The following INSL6 variants were observed in gnomAD, a reference collection of about 807,000 sequenced individuals.
The protein encoded by INSL6 is insulin like 6, also known as insulin-like peptide INSL6.
INSL6 carries 16 observed loss-of-function variants against 9.4 expected under a neutral mutation model. That is an observed-to-expected ratio of 1.70 (90% CI 1.15 to 2.59). The LOEUF is 2.59. Among genes scored for constraint, INSL6 ranks in the 30% most tolerant of loss-of-function variants. The pLI is 0.00. For synonymous variants in INSL6, 154 were observed against 96.9 expected (o/e 1.59, Z -3.46); for missense variants, 391 against 257.3 (o/e 1.52, Z -3.56).
the INSL6 span, among the ~76,000 whole-genome samples, chr9:5,062,056 G>A: frequency 0.25 from 37,723 of 151,994 alleles, 4,898 homozygotes; most frequent in South Asian, 0.3. Context: ...TAGGCCCAGT[G>A]TGTGGTGCCC....
chr9:4,999,453 G>T, the INSL6 span, among the ~76,000 whole-genome samples: 1 of 152,114 alleles, frequency 6.6e-6, no homozygotes, highest in Non-Finnish European at 1.5e-5. Flanking sequence ...AGTCAAAGGG[G>T]CAAAAAAGAT....
chr9:5,106,834 G>C, the INSL6 span, among the ~76,000 whole-genome samples: 5 of 152,156 alleles, frequency 3.3e-5, no homozygotes, highest in African/African-American at 1.2e-4. Context: ...TCACTCATAG[G>C]TGGGAGTTGA....
chr9:5,079,050 G>T, the INSL6 span, among the ~76,000 whole-genome samples: 41 of 152,190 alleles, frequency 2.7e-4, no homozygotes, highest in African/African-American at 9.4e-4. Context: ...ATTCTAAATT[G>T]ATCAATTTTT....
At chr9:5,064,906 G>T in the INSL6 span, 2 of 1,586,418 alleles carry the variant, frequency 1.3e-6, no homozygotes, top group Non-Finnish European at 1.7e-6. Context: ...GCTCATTAAG[G>T]GAAGCTTTGT....
At chr9:5,049,941 T>A in the INSL6 span, among the ~76,000 whole-genome samples, 2 of 152,166 alleles carry the variant, frequency 1.3e-5, no homozygotes, top group African/African-American at 4.8e-5. Flanking sequence ...AAAGATACAG[T>A]AAAAATGCAG....
chr9:5,158,199 C>G (rs1824857584), intron 2 of INSL6, among the ~76,000 whole-genome samples: 1 of 152,084 alleles, frequency 6.6e-6, no homozygotes, highest in Non-Finnish European at 1.5e-5. Flanking sequence ...CCTACGGCCT[C>G]TAGAAAATAG....
the INSL6 span, among the ~76,000 whole-genome samples, chr9:5,087,411 G>A: frequency 6.6e-6 from 1 of 152,176 alleles, no homozygotes; most frequent in African/African-American, 2.4e-5. Flanking sequence ...CCAATGACAT[G>A]TGGGGATTAT....
At chr9:5,054,437 C>T in the INSL6 span, 2 of 708,352 alleles carry the variant, frequency 2.8e-6, no homozygotes, top group Non-Finnish European at 2.4e-6. The surrounding 1 kb of genome is among the most constrained non-coding windows in gnomAD (Gnocchi z 4.9). Flanking sequence ...ACTTACGCCA[C>T]TTGGCCACTG....
intron 1 of INSL6, among the ~76,000 whole-genome samples, chr9:5,177,531 G>A (rs1825338554): frequency 6.6e-6 from 1 of 152,228 alleles, no homozygotes; most frequent in Admixed American, 6.5e-5. Flanking sequence ...GAGTTTTACA[G>A]ATTCTGGCCC....
At chr9:5,144,519 G>C (rs936171160) in intron 2 of INSL6, among the ~76,000 whole-genome samples, 3 of 152,142 alleles carry the variant, frequency 2.0e-5, no homozygotes, top group East Asian at 3.8e-4. Flanking sequence ...CCGGTGCTGA[G>C]TTCAGGTCCT....
chr9:5,003,628 T>G, the INSL6 span, among the ~76,000 whole-genome samples: 1 of 152,116 alleles, frequency 6.6e-6, no homozygotes, highest in Non-Finnish European at 1.5e-5. Flanking sequence ...ATTTCCTACA[T>G]ATACAGACAT....
At chr9:5,154,089 T>G (rs1824768328) in intron 2 of INSL6, among the ~76,000 whole-genome samples, 1 of 152,120 alleles carries the variant, frequency 6.6e-6, no homozygotes, top group African/African-American at 2.4e-5. Flanking sequence ...AAAGCTACAG[T>G]AACAGAAACA....
chr9:5,105,344 T>G, the INSL6 span, among the ~76,000 whole-genome samples: 3 of 152,090 alleles, frequency 2.0e-5, no homozygotes, highest in Admixed American at 1.3e-4. Flanking sequence ...GAATCCAACT[T>G]ACAAGAGATG....
At chr9:5,038,460 T>C in the INSL6 span, among the ~76,000 whole-genome samples, 1 of 152,088 alleles carries the variant, frequency 6.6e-6, no homozygotes, top group Non-Finnish European at 1.5e-5. Context: ...CAGACAAAGA[T>C]GTCTAGAAGA....
chr9:5,005,742 C>T, the INSL6 span, among the ~76,000 whole-genome samples: 99 of 152,190 alleles, frequency 6.5e-4, no homozygotes, highest in African/African-American at 2.2e-3. Context: ...AATGTTTCTT[C>T]CTCAGACATT....
downstream of INSL6, among the ~76,000 whole-genome samples, chr9:5,162,439 A>G (rs1824946563): frequency 1.3e-5 from 2 of 152,220 alleles, no homozygotes; most frequent in African/African-American, 4.8e-5. Flanking sequence ...TAATTTTCTA[A>G]TTGGGACTTT....
At chr9:5,168,318 A>C (rs1825101050) in intron 1 of INSL6, among the ~76,000 whole-genome samples, 1 of 152,236 alleles carries the variant, frequency 6.6e-6, no homozygotes, top group South Asian at 2.1e-4. Flanking sequence ...CAAAGAAGCT[A>C]AGAACCATAA....
the INSL6 span, chr9:5,085,383 G>GT: frequency 4.5e-6 from 4 of 896,694 alleles, no homozygotes; most frequent in African/African-American, 6.6e-5. Context: ...GCACCACTGG[G>GT]TCGGGGCATC....
chr9:5,181,933 G>C (rs1323036904), intron 1 of INSL6, among the ~76,000 whole-genome samples: 2 of 152,124 alleles, frequency 1.3e-5, no homozygotes, highest in African/African-American at 4.8e-5. Flanking sequence ...AATGCTAATT[G>C]TTGACATAGA....
Sources: gnomAD v4.1 joint callset for allele counts (sites outside exome capture counted in the v4.1 genomes callset) on GRCh38, gnomAD v4.1.1 for gene constraint, Gnocchi (gnomAD v3.1) non-coding constraint, MANE v1.5 for transcripts, NCBI Gene and HGNC (gene_info 2026-07-23, HGNC 2026-07-21) for gene names.